The following SYT1 variants were observed in gnomAD, a reference collection of about 807,000 sequenced individuals.
SYT1 encodes synaptotagmin-1.
Under a neutral mutation model 44.8 loss-of-function variants are expected in SYT1, and 8 were observed. That is an observed-to-expected ratio of 0.18 (90% confidence interval 0.10 to 0.32). The LOEUF (loss-of-function observed/expected upper bound fraction) is 0.32. Ranked by LOEUF, SYT1 falls within the 10% of genes least tolerant of loss-of-function variation. SYT1 has a pLI of 1.00. For synonymous variants in SYT1, 154 were observed against 188.8 expected (o/e 0.82, Z 1.51); for missense variants, 286 against 509.3 (o/e 0.56, Z 4.22).
intron 9 of SYT1, among the ~76,000 whole-genome samples, chr12:79,404,350 A>C (rs1244229768): frequency 6.6e-6 from 1 of 152,142 alleles, no homozygotes; most frequent in Non-Finnish European, 1.5e-5. Flanking sequence ...TTTGAGCAAG[A>C]ATGTAATTTA....
At chr12:79,388,025 T>C (rs574189739) in intron 9 of SYT1, among the ~76,000 whole-genome samples, 189 of 152,386 alleles carry the variant, frequency 1.2e-3, no homozygotes, top group Middle Eastern at 3.4e-3. Flanking sequence ...TTAGGTTATA[T>C]ATTTAATCCC....
chr12:78,994,611 C>T (rs1330569763), intron 2 of SYT1, among the ~76,000 whole-genome samples: 1 of 145,036 alleles, frequency 6.9e-6, no homozygotes, highest in East Asian at 2.2e-4. Flanking sequence ...CCTCAGCTCA[C>T]TGCAACCTCC....
intron 3 of SYT1, among the ~76,000 whole-genome samples, chr12:79,185,737 A>G (rs184099758): frequency 6.6e-6 from 1 of 152,176 alleles, no homozygotes; most frequent in East Asian, 1.9e-4. Context: ...ATTACATACC[A>G]GTTCCACTGA....
chr12:79,163,511 G>T (rs1027822052), intron 3 of SYT1, among the ~76,000 whole-genome samples: 7 of 152,044 alleles, frequency 4.6e-5, no homozygotes, highest in African/African-American at 1.7e-4. Flanking sequence ...TATATTCCTT[G>T]ATAACACGGT....
intron 1 of SYT1, chr12:78,976,687 C>A (rs60785396): frequency 6.6e-6 from 1 of 151,996 alleles, no homozygotes; most frequent in African/African-American, 2.4e-5. Flanking sequence ...GACAGTAGAA[C>A]GATGTGATTT....
intron 3 of SYT1, among the ~76,000 whole-genome samples, chr12:79,120,244 T>C (rs972475027): frequency 1.3e-5 from 2 of 151,952 alleles, no homozygotes; most frequent in Non-Finnish European, 2.9e-5. Flanking sequence ...GTTATAAAAA[T>C]ACAAATTGAT....
intron 2 of SYT1, among the ~76,000 whole-genome samples, chr12:79,017,347 G>C (rs1276947432): frequency 6.6e-6 from 1 of 152,090 alleles, no homozygotes; most frequent in African/African-American, 2.4e-5. Flanking sequence ...TCAGTGAGCT[G>C]TCTAATAAAA....
At chr12:79,100,552 T>C (rs1444987513) in intron 3 of SYT1, among the ~76,000 whole-genome samples, 1 of 151,876 alleles carries the variant, frequency 6.6e-6, no homozygotes, top group Non-Finnish European at 1.5e-5. Context: ...GCAGTGAAAA[T>C]ATACATAGAA....
chr12:78,908,510 A>G (rs1449798483), intron 1 of SYT1, among the ~76,000 whole-genome samples: 1 of 151,878 alleles, frequency 6.6e-6, no homozygotes, highest in Admixed American at 6.6e-5. Context: ...TCTCAACAAT[A>G]TAAAACTGAA....
intron 8 of SYT1, among the ~76,000 whole-genome samples, chr12:79,317,803 G>A (rs1881168857): frequency 6.6e-6 from 1 of 152,164 alleles, no homozygotes; most frequent in South Asian, 2.1e-4. Flanking sequence ...TGAGAGGACT[G>A]AGTGCACTGC....
At chr12:78,903,199 T>C (rs1251420223) in intron 1 of SYT1, among the ~76,000 whole-genome samples, 5 of 151,776 alleles carry the variant, frequency 3.3e-5, no homozygotes, top group African/African-American at 1.2e-4. Flanking sequence ...TGTTTTATCT[T>C]AAAAAGAGTT....
chr12:79,295,993 A>G (rs1253746923), intron 6 of SYT1, 76 bp from the exon 7 acceptor site: 52 of 1,442,242 alleles, frequency 3.6e-5, no homozygotes, highest in Non-Finnish European at 4.7e-5. Context: ...CCCAATATGC[A>G]GCATTGTGAA....
At chr12:79,099,464 T>C (rs138698798) in intron 3 of SYT1, among the ~76,000 whole-genome samples, 32 of 152,248 alleles carry the variant, frequency 2.1e-4, no homozygotes, top group African/African-American at 7.2e-4. Context: ...TTGTAAGGCA[T>C]CTGGTTTGAT....
At chr12:78,865,574 G>A (rs991524614) in intron 1 of SYT1, among the ~76,000 whole-genome samples, 4 of 151,878 alleles carry the variant, frequency 2.6e-5, no homozygotes, top group Non-Finnish European at 4.4e-5. Context: ...TGGGGGGGGG[G>A]GGGAACGTAA....
chr12:79,072,477 A>C (rs1418551693), intron 3 of SYT1, among the ~76,000 whole-genome samples: 1 of 152,150 alleles, frequency 6.6e-6, no homozygotes, highest in African/African-American at 2.4e-5. Flanking sequence ...CATTTTATCT[A>C]TAAGTTATTT....
chr12:79,177,037 T>C (rs989501326), intron 3 of SYT1, among the ~76,000 whole-genome samples: 6 of 39,212 alleles, frequency 1.5e-4, no homozygotes, highest in African/African-American at 7.8e-4. Context: ...GCATATTTCT[T>C]TTTTTTTTTA....
chr12:79,222,689 A>G (rs1212652572), intron 4 of SYT1, among the ~76,000 whole-genome samples: 1 of 152,074 alleles, frequency 6.6e-6, no homozygotes, highest in Non-Finnish European at 1.5e-5. Context: ...GGCCTACTTT[A>G]AATAAGCTCC....
intron 4 of SYT1, among the ~76,000 whole-genome samples, chr12:79,261,257 TCTATGC>T (rs779170824): frequency 6.6e-6 from 1 of 152,182 alleles, no homozygotes; most frequent in Non-Finnish European, 1.5e-5. Context: ...AACTTAATGA[TCTATGC>T]CACATCTACT....
Position 78,884,602 on chromosome 12 carries a change from CTT to C in SYT1, c.-217+19495_-217+19496del, listed in dbSNP as rs1481961564. On this transcript the variant is annotated intron_variant, in intron 1 of 10. Coordinates refer to ENST00000261205, the MANE Select transcript of SYT1 (RefSeq NM_005639.3). ...AATATTTTCATTAATAATTGATTCTCTTTATCATAATCTTAGAATATTTTAAT... is the reference window on the plus strand; with the variant it reads ...AATATTTTCATTAATAATTGATTCTCTATCATAATCTTAGAATATTTTAAT... Among the ~76,000 whole-genome samples the C allele has an allele frequency of 5.2e-4, 78 of 151,336 alleles. No homozygotes were observed. In the Middle Eastern group the frequency reaches 0.014, roughly 27 times the overall value.
Sources: allele counts gnomAD v4.1 joint callset (sites outside exome capture counted in the v4.1 genomes callset), GRCh38; gene constraint gnomAD v4.1.1; transcripts MANE v1.5; gene names NCBI Gene and HGNC (gene_info 2026-07-23, HGNC 2026-07-21).